PLPP4: variants seen among roughly 807,000 people sequenced by gnomAD.
PLPP4 encodes phospholipid phosphatase 4, also known as diacylglycerol pyrophosphate like 2.
Under a neutral mutation model 32.2 loss-of-function variants are expected in PLPP4, and 20 were observed. That is an observed-to-expected ratio of 0.62 (90% CI 0.44 to 0.90). PLPP4 has a LOEUF of 0.90. Ranked by LOEUF, PLPP4 falls within the 40% of genes least tolerant of loss-of-function variation. PLPP4 has a pLI of 0.00. For missense variants in PLPP4, 257 were observed against 353.1 expected, an observed-to-expected ratio of 0.73 and a Z score of 2.18; for synonymous variants, 127 against 133.0, an observed-to-expected ratio of 0.95 and a Z score of 0.31.
chr10:120,470,873 C>T (rs1031834247), intron 1 of PLPP4, among the ~76,000 whole-genome samples: 4 of 152,170 alleles, frequency 2.6e-5, no homozygotes, highest in Admixed American at 2.0e-4. Flanking sequence ...CTGCTACTTA[C>T]TGGTTATAAT....
intron 2 of PLPP4, among the ~76,000 whole-genome samples, chr10:120,511,931 A>G (rs976075315): frequency 6.6e-6 from 1 of 152,102 alleles, no homozygotes; most frequent in Non-Finnish European, 1.5e-5. Flanking sequence ...TCTCTACTAA[A>G]AAAGTACAAA....
chr10:120,482,175 G>A (rs373610712), intron 1 of PLPP4, among the ~76,000 whole-genome samples: 5 of 152,230 alleles, frequency 3.3e-5, no homozygotes, highest in African/African-American at 1.2e-4. Flanking sequence ...CAAAAATGTG[G>A]AAGCGACTTT....
chr10:120,496,920 T>A lies in PLPP4; in HGVS notation c.57-6898T>A, dbSNP rs75043389. On this transcript the variant is annotated intron_variant, in intron 1 of 6. Coordinates refer to ENST00000398250, the MANE Select transcript of PLPP4 (RefSeq NM_001030059.3). ...GAGAGAGAGAATGTGTGAGTGTGTG[T>A]GTGTGTGTGTGTGTGTGTATGTGCA... Among the ~76,000 whole-genome samples, 3 of 50,164 alleles carry A rather than the reference T, an allele frequency of 6.0e-5. No homozygotes were observed. In the East Asian group the frequency reaches 3.1e-3, roughly 53 times the overall value. The allele number at this position is 50,164 out of a possible 152,430, so 32.9% of individuals were successfully genotyped here.
At chr10:120,489,837 T>G (rs1170012289) in intron 1 of PLPP4, among the ~76,000 whole-genome samples, 1 of 152,216 alleles carries the variant, frequency 6.6e-6, no homozygotes, top group Non-Finnish European at 1.5e-5. Flanking sequence ...GATTAAAGAT[T>G]CCAGGTGGCA....
At chr10:120,585,843 G>T (rs952613724) in intron 6 of PLPP4, among the ~76,000 whole-genome samples, 1 of 152,122 alleles carries the variant, frequency 6.6e-6, no homozygotes, top group African/African-American at 2.4e-5. Context: ...TCATTCTTGG[G>T]AATGCCTCTT....
At chr10:120,507,632 C>T (rs985564550) in intron 2 of PLPP4, among the ~76,000 whole-genome samples, 1 of 152,114 alleles carries the variant, frequency 6.6e-6, no homozygotes, top group African/African-American at 2.4e-5. Context: ...GGAGGCACTC[C>T]GCTGTGATGC....
chr10:120,481,790 G>A (rs1453430196), intron 1 of PLPP4, among the ~76,000 whole-genome samples: 1 of 152,228 alleles, frequency 6.6e-6, no homozygotes, highest in Non-Finnish European at 1.5e-5. Context: ...GTTTGACTGT[G>A]TCCCCACCCA....
chr10:120,457,571 C>G (rs1034808461), intron 1 of PLPP4, among the ~76,000 whole-genome samples: 3 of 152,152 alleles, frequency 2.0e-5, no homozygotes, highest in East Asian at 1.9e-4. Flanking sequence ...GAGCGACCAC[C>G]GCGCGCCGAG....
At chr10:120,530,005 A>G (rs1846626481) in intron 5 of PLPP4, among the ~76,000 whole-genome samples, 2 of 152,234 alleles carry the variant, frequency 1.3e-5, no homozygotes, top group South Asian at 4.1e-4. Flanking sequence ...ATTATACAAC[A>G]TTTCAGGCAT....
chr10:120,573,074 AC>A (rs1849019150), intron 5 of PLPP4, among the ~76,000 whole-genome samples: 1 of 152,212 alleles, frequency 6.6e-6, no homozygotes, highest in South Asian at 2.1e-4. Flanking sequence ...AAAAACAACA[AC>A]AAAAAACCAG....
At chr10:120,509,601 C>T (rs534459954) in intron 2 of PLPP4, among the ~76,000 whole-genome samples, 1 of 152,322 alleles carries the variant, frequency 6.6e-6, no homozygotes, top group South Asian at 2.1e-4. Flanking sequence ...AGATTCAGGA[C>T]TCCAACCCAG....
intron 5 of PLPP4, among the ~76,000 whole-genome samples, chr10:120,572,069 C>G (rs1337595374): frequency 6.6e-6 from 1 of 152,180 alleles, no homozygotes; most frequent in Non-Finnish European, 1.5e-5. Context: ...GATCTAGGCC[C>G]TTGCACATTG....
chr10:120,527,746 A>C (rs1846472548), intron 5 of PLPP4, among the ~76,000 whole-genome samples: 1 of 152,204 alleles, frequency 6.6e-6, no homozygotes, highest in Admixed American at 6.5e-5. Context: ...AGGGTGGAGG[A>C]TACAGACTAT....
intron 5 of PLPP4, among the ~76,000 whole-genome samples, chr10:120,554,935 C>A (rs1286823090): frequency 6.6e-6 from 1 of 152,124 alleles, no homozygotes; most frequent in Non-Finnish European, 1.5e-5. Context: ...CAAACCATAT[C>A]ACCCTGCATA....
intron 1 of PLPP4, among the ~76,000 whole-genome samples, chr10:120,502,866 C>T (rs1845324907): frequency 1.3e-5 from 2 of 152,126 alleles, no homozygotes; most frequent in African/African-American, 4.8e-5. Context: ...AGGAGAAGCT[C>T]AGCTTTCTCC....
At chr10:120,536,394 G>A (rs867438771) in intron 5 of PLPP4, among the ~76,000 whole-genome samples, 1 of 152,046 alleles carries the variant, frequency 6.6e-6, no homozygotes, top group East Asian at 1.9e-4. Context: ...TGCATATAGG[G>A]TCAACTAATT....
At chr10:120,512,658 C>G (rs960454216) in intron 2 of PLPP4, among the ~76,000 whole-genome samples, 1 of 152,018 alleles carries the variant, frequency 6.6e-6, no homozygotes, top group African/African-American at 2.4e-5. Flanking sequence ...GCTAAAAATA[C>G]AAAAATTAGC....
chr10:120,460,899 A>G (rs891693888), intron 1 of PLPP4, among the ~76,000 whole-genome samples: 1 of 152,232 alleles, frequency 6.6e-6, no homozygotes, highest in Non-Finnish European at 1.5e-5. Context: ...TCACTCAGCT[A>G]GCAGGAGGTA....
rs1199361694 is a variant in PLPP4, at chr10:120,570,120, G to C, written c.446-5011G>C. On this transcript the variant is annotated intron_variant, in intron 5 of 6. Transcript: ENST00000398250. ...AACCTAATGAAAAGCTTCCAGCACA[G>C]TGCCTGGCCCATGGGAGGTACTCAA... Among the ~76,000 whole-genome samples, 4 of 152,094 alleles carry C rather than the reference G, an allele frequency of 2.6e-5. No individual in the cohort carries two copies. The East Asian group carries it at 7.7e-4, about 29-fold the overall frequency.
Sources: gnomAD v4.1 joint callset for allele counts (sites outside exome capture counted in the v4.1 genomes callset) on GRCh38, gnomAD v4.1.1 for gene constraint, MANE v1.5 for transcripts, NCBI Gene and HGNC (gene_info 2026-07-23, HGNC 2026-07-21) for gene names.